The following TTC1 variants were observed in gnomAD, a reference collection of about 807,000 sequenced individuals.
The protein encoded by TTC1 is tetratricopeptide repeat domain 1, also known as tetratricopeptide repeat protein 1.
Under a neutral mutation model 37.6 loss-of-function variants are expected in TTC1, and 31 were observed. That is an observed-to-expected ratio of 0.82 (90% CI 0.62 to 1.11). The LOEUF is 1.11. Among genes scored for constraint, TTC1 ranks in the 50% most tolerant of loss-of-function variants. The pLI, the probability that TTC1 is intolerant of heterozygous loss-of-function variation, is 0.00. For synonymous variants in TTC1, 127 were observed against 122.4 expected (o/e 1.04, Z -0.25); for missense variants, 351 against 339.0 (o/e 1.04, Z -0.28).
At chr5:160,012,794 AGAAT>A (rs1341374907) in intron 2 of TTC1, among the ~76,000 whole-genome samples, 1 of 152,254 alleles carries the variant, frequency 6.6e-6, no homozygotes, top group Non-Finnish European at 1.5e-5. Context: ...TCTCATGTGT[AGAAT>A]GCAGTGAGTT....
chr5:160,058,135 G>A (rs1277326408), intron 7 of TTC1, among the ~76,000 whole-genome samples: 1 of 152,194 alleles, frequency 6.6e-6, no homozygotes, highest in Non-Finnish European at 1.5e-5. Context: ...ACCAGGAGGA[G>A]ATTCCATCTC....
intron 4 of TTC1, among the ~76,000 whole-genome samples, chr5:160,042,788 C>T (rs909245905): frequency 2.6e-4 from 39 of 152,266 alleles, no homozygotes; most frequent in Non-Finnish European, 4.9e-4. Flanking sequence ...TTCAGTTATT[C>T]ACATGTCAGT....
rs1756490503 is a variant in TTC1 at position 160,010,858 on chromosome 5, G to A, written c.330G>A (p.Gln110=). The change falls in exon 2 of 8, where the codon CAG becomes CAA. Residue 110 remains glutamine, a splice_region_variant and synonymous_variant. Transcript: ENST00000231238. The stretch of plus-strand genomic sequence containing the variant: ...AAAACATGTCGGATGAAGAGAAACA[G>A]GTAAGTATTTTATTTATTGTGCAAG... ...LEKNMSDEEK[Q]KRREESTRLK... is the part of the protein sequence containing the mutation. The A allele has an allele frequency of 3.7e-6, 6 of 1,610,020 alleles. No individual in the cohort carries two copies. Among genetic ancestry groups the A allele is most frequent in the Non-Finnish European group, 4.2e-6 (5 of 1,177,584 alleles).
At position 160,065,447 on chromosome 5, in the gene TTC1, G is replaced by T. The variant is rs1264328588; in HGVS notation, c.*382G>T. The T allele has an allele frequency of 6.5e-6, 3 of 461,646 alleles. No individual in the cohort carries two copies. Among genetic ancestry groups the T allele is most frequent in the Non-Finnish European group, 1.3e-5 (3 of 231,582 alleles). 28.6% of individuals were successfully genotyped at this position (461,646 alleles called of 1,614,324 possible). On this transcript the variant is annotated 3_prime_UTR_variant, in exon 8 of 8. Transcript: ENST00000231238. ...ACTGCCCAGACATGATTGATGACGG[G>T]TTCCCGCCTGCTGTCCCCTCCCTGA... is the stretch of plus-strand genomic sequence containing the variant.
At chr5:160,062,701 G>A (rs1043743110) in intron 7 of TTC1, among the ~76,000 whole-genome samples, 3 of 152,160 alleles carry the variant, frequency 2.0e-5, no homozygotes, top group Non-Finnish European at 4.4e-5. Flanking sequence ...CCCTCCTCAG[G>A]AGTCTGATGT....
chr5:160,049,644 A>C lies in TTC1; in HGVS notation c.672A>C (p.Gln224His). ...SILEKDPSIH[Q>H]AREACMRLPK... ...TAGAAAAAGATCCATCAATACATCAAGCAAGAGAAGCTTGTATGGTAAAAC... is the reference window on the plus strand; with the variant it reads ...TAGAAAAAGATCCATCAATACATCACGCAAGAGAAGCTTGTATGGTAAAAC... The change falls in exon 6 of 8, where the codon CAA (glutamine) becomes CAC (histidine). Residue 224 changes from glutamine (Q) to histidine (H), a missense_variant. Coordinates refer to ENST00000231238, the MANE Select transcript of TTC1 (RefSeq NM_003314.3). 6.3e-7 allele frequency: 1 copy of C among 1,584,152 alleles called. No homozygotes were observed. Among genetic ancestry groups the C allele is most frequent in the Non-Finnish European group, 8.5e-7 (1 of 1,171,776 alleles).
intron 6 of TTC1, among the ~76,000 whole-genome samples, chr5:160,050,900 A>G (rs1365323045): frequency 1.3e-5 from 2 of 151,922 alleles, no homozygotes; most frequent in East Asian, 3.9e-4. Flanking sequence ...TGCTGGGAAT[A>G]TGGGCAGGAG....
intron 2 of TTC1, among the ~76,000 whole-genome samples, chr5:160,028,401 G>T (rs1756847692): frequency 6.6e-6 from 1 of 151,750 alleles, no homozygotes; most frequent in Non-Finnish European, 1.5e-5. Flanking sequence ...TGTCAAGAGG[G>T]CCCTGTTCAT....
At chr5:160,028,162 G>A (rs1019101016) in intron 2 of TTC1, among the ~76,000 whole-genome samples, 19 of 152,006 alleles carry the variant, frequency 1.2e-4, no homozygotes, top group African/African-American at 4.3e-4. Flanking sequence ...GGCCTGGTGT[G>A]GTGGCAGTTG....
At chr5:160,040,912 A>G (rs1420097878) in intron 4 of TTC1, among the ~76,000 whole-genome samples, 1 of 150,776 alleles carries the variant, frequency 6.6e-6, no homozygotes, top group Non-Finnish European at 1.5e-5. Flanking sequence ...GCCCAGCTAT[A>G]TCTTTATTCT....
At chr5:160,031,303 G>A (rs1479312911) in intron 2 of TTC1, among the ~76,000 whole-genome samples, 6 of 152,102 alleles carry the variant, frequency 3.9e-5, no homozygotes, top group Non-Finnish European at 5.9e-5. Flanking sequence ...TGATTTATCC[G>A]TTGAAACAAT....
At chr5:160,064,082 C>A (rs532601842) in intron 7 of TTC1, among the ~76,000 whole-genome samples, 1 of 150,842 alleles carries the variant, frequency 6.6e-6, no homozygotes, top group African/African-American at 2.4e-5. Context: ...GATTGTCCTG[C>A]CTCAGCCTCC....
rs572622445 is a variant in TTC1 at position 160,028,576 on chromosome 5, C to A, written c.331-6564C>A. Among the ~76,000 whole-genome samples, 5 of 152,250 alleles carry A rather than the reference C, an allele frequency of 3.3e-5. No homozygotes were observed. In the South Asian group the frequency reaches 6.2e-4, roughly 19 times the overall value. On this transcript the variant is annotated intron_variant, in intron 2 of 7. Coordinates refer to ENST00000231238, the MANE Select transcript of TTC1 (RefSeq NM_003314.3). ...ATGGCCTCAACTTCCTGGGCTCAAGCGATCCTCCCACCTCAGCCTCCAGAG... is the reference window on the plus strand; with the variant it reads ...ATGGCCTCAACTTCCTGGGCTCAAGAGATCCTCCCACCTCAGCCTCCAGAG...
At chr5:160,028,789 T>A (rs2113360713) in intron 2 of TTC1, among the ~76,000 whole-genome samples, 1 of 152,268 alleles carries the variant, frequency 6.6e-6, no homozygotes, top group South Asian at 2.1e-4. Flanking sequence ...AGTTTTGTGG[T>A]TGGCTTTAGG....
At chr5:160,045,264 AAAATGAGGG>A (rs1261898789) in intron 5 of TTC1, among the ~76,000 whole-genome samples, 1 of 152,148 alleles carries the variant, frequency 6.6e-6, no homozygotes, top group African/African-American at 2.4e-5. Context: ...CCTTGCCTAG[AAAATGAGGG>A]AAAGGAGAAG....
At chr5:160,058,058 T>C (rs993152965) in intron 7 of TTC1, among the ~76,000 whole-genome samples, 3 of 151,980 alleles carry the variant, frequency 2.0e-5, no homozygotes, top group Non-Finnish European at 2.9e-5. Context: ...TGAGCCACTG[T>C]GCCCGGCCAG....
intron 7 of TTC1, among the ~76,000 whole-genome samples, chr5:160,058,327 G>A (rs1354292431): frequency 1.3e-5 from 2 of 152,062 alleles, no homozygotes; most frequent in African/African-American, 4.8e-5. Flanking sequence ...CATCCATGAG[G>A]GTTGAAATCA....
At chr5:160,036,350 C>T (rs1756998649) in intron 3 of TTC1, among the ~76,000 whole-genome samples, 2 of 152,118 alleles carry the variant, frequency 1.3e-5, no homozygotes, top group South Asian at 2.1e-4. Context: ...AGTTCTGTAA[C>T]CTCCTTTGAA....
intron 5 of TTC1, 75 bp downstream of exon 5, chr5:160,043,244 T>C: frequency 6.5e-7 from 1 of 1,541,950 alleles, no homozygotes; most frequent in Non-Finnish European, 8.9e-7. Context: ...GGGTCAGGTG[T>C]GCACTTGTAC....
Sources: allele counts gnomAD v4.1 joint callset (sites outside exome capture counted in the v4.1 genomes callset), GRCh38; gene constraint gnomAD v4.1.1; transcripts MANE v1.5; gene names NCBI Gene and HGNC (gene_info 2026-07-23, HGNC 2026-07-21).